PDE8A: variants seen among roughly 807,000 people sequenced by gnomAD.
PDE8A encodes the protein high affinity cAMP-specific and IBMX-insensitive 3',5'-cyclic phosphodiesterase 8A.
In PDE8A, 59 loss-of-function variants were observed where a neutral mutation model predicts 105.0. That is an observed-to-expected ratio of 0.56 (90% CI 0.46 to 0.70). The LOEUF (loss-of-function observed/expected upper bound fraction) is 0.70. Ranked by LOEUF, PDE8A falls within the 30% of genes least tolerant of loss-of-function variation. The probability of loss-of-function intolerance (pLI) is 0.00; values close to 1 mark genes in which losing one functional copy is unlikely to be tolerated. For missense variants in PDE8A, 1,014 were observed against 1,045.9 expected, an observed-to-expected ratio of 0.97 and a Z score of 0.42; for synonymous variants, 355 against 371.9, an observed-to-expected ratio of 0.95 and a Z score of 0.52.
Position 85,126,346 on chromosome 15 carries a change from C to T in PDE8A, c.2225C>T (p.Ala742Val). 3 of 1,591,216 alleles carry T rather than the reference C, an allele frequency of 1.9e-6. No homozygotes were observed. Among genetic ancestry groups the T allele is most frequent in the Admixed American group, 1.7e-5 (1 of 58,478 alleles). Reference sequence around the variant, plus strand: ...CTGCAGTACTGCATCGAGTGGGCTGCACGCATTTCGGAAGAATATTTTTCT... The same window carrying T: ...CTGCAGTACTGCATCGAGTGGGCTGTACGCATTTCGGAAGAATATTTTTCT... ...RPLQYCIEWA[A>V]RISEEYFSQT... is the part of the protein sequence containing the mutation. The change falls in exon 20 of 22, where the codon GCA (alanine) becomes GTA (valine). Residue 742 changes from alanine to valine, a missense_variant. Coordinates refer to ENST00000394553, the MANE Select transcript of PDE8A (RefSeq NM_002605.3).
chr15:84,988,819 G>A (rs1202106067), intron 1 of PDE8A, among the ~76,000 whole-genome samples: 1 of 152,186 alleles, frequency 6.6e-6, no homozygotes, highest in South Asian at 2.1e-4. Flanking sequence ...ATTATATGCT[G>A]CTTGAGGGCA....
rs531733331 is a variant in PDE8A, at chr15:85,011,966, A to G, written c.186+29618A>G. Among the ~76,000 whole-genome samples, 1,028 of 152,358 alleles carry G rather than the reference A, an allele frequency of 6.7e-3. 14 individuals are homozygous for G. Among genetic ancestry groups the G allele is most frequent in the African/African-American group, 0.023 (966 of 41,578 alleles). On this transcript the variant is annotated intron_variant, in intron 1 of 21. Transcript: ENST00000394553. The stretch of plus-strand genomic sequence containing the variant: ...GAAAAAATGCTCACCATCACTGGCC[A>G]TCAGAGAAATGCAAATCAAAACCAC...
chr15:85,133,316 A>G (rs1340712766), intron 20 of PDE8A, among the ~76,000 whole-genome samples: 1 of 152,078 alleles, frequency 6.6e-6, no homozygotes, highest in Non-Finnish European at 1.5e-5. Context: ...AGCAGTAGTC[A>G]TTGCTTTTCT....
At chr15:85,071,070 G>A (rs539390514) in intron 3 of PDE8A, among the ~76,000 whole-genome samples, 1 of 152,314 alleles carries the variant, frequency 6.6e-6, no homozygotes, top group East Asian at 1.9e-4. Flanking sequence ...AAGATAAGAT[G>A]ATAGGTCAGA....
At chr15:85,024,665 T>C (rs1353054385) in intron 1 of PDE8A, among the ~76,000 whole-genome samples, 2 of 152,240 alleles carry the variant, frequency 1.3e-5, no homozygotes, top group African/African-American at 4.8e-5. Flanking sequence ...TTCTTTGTTC[T>C]TAGTCTTCCT....
At chr15:85,038,292 A>G (rs1481062248) in intron 1 of PDE8A, among the ~76,000 whole-genome samples, 1 of 150,884 alleles carries the variant, frequency 6.6e-6, no homozygotes, top group African/African-American at 2.4e-5. Flanking sequence ...TATTGTGGGT[A>G]TGAGCTCTTT....
intron 1 of PDE8A, among the ~76,000 whole-genome samples, chr15:85,022,714 A>AC: frequency 6.8e-6 from 1 of 146,082 alleles, no homozygotes; most frequent in Non-Finnish European, 1.5e-5. Flanking sequence ...ACACCTGGCT[A>AC]TTTTTTTTTT....
intron 6 of PDE8A, among the ~76,000 whole-genome samples, chr15:85,085,937 G>A (rs2081545420): frequency 1.4e-5 from 2 of 147,270 alleles, no homozygotes; most frequent in African/African-American, 2.5e-5. Flanking sequence ...ACTGGAACCC[G>A]GGAGGCGAAG....
At chr15:85,063,997 A>C (rs1397349943) in intron 1 of PDE8A, 1 of 167,522 alleles carries the variant, frequency 6.0e-6, no homozygotes, top group Non-Finnish European at 1.3e-5. Flanking sequence ...CACAGAGGGA[A>C]TCAGCGTTTA....
rs1004229956 is a variant in PDE8A at position 85,031,272 on chromosome 15, A to G, written c.187-33098A>G. 2.6e-5 allele frequency among the ~76,000 whole-genome samples: 4 copies of G among 152,344 alleles called. No individual in the cohort carries two copies. The East Asian group carries it at 7.7e-4, about 29-fold the overall frequency. The stretch of plus-strand genomic sequence containing the variant: ...GGCCACATAATGATGAGAGGCAGAG[A>G]TAAGACTAGACTTCTATGTCTTTGT... On this transcript the variant is annotated intron_variant, in intron 1 of 21. Transcript: ENST00000394553.
intron 2 of PDE8A, among the ~76,000 whole-genome samples, chr15:85,066,580 CAAAACACACACA>C: frequency 9.3e-6 from 1 of 107,128 alleles, no homozygotes; most frequent in Non-Finnish European, 1.9e-5. Context: ...ACCATCCCCC[CAAAACACACACA>C]CACACACACA....
Position 85,112,668 on chromosome 15 carries a change from T to C in PDE8A, c.1115-709T>C, listed in dbSNP as rs541196558. Among the ~76,000 whole-genome samples the C allele has an allele frequency of 2.2e-4, 33 of 152,326 alleles. No individual in the cohort carries two copies. The South Asian group carries it at 6.4e-3, about 30-fold the overall frequency. On this transcript the variant is annotated intron_variant, in intron 12 of 21. Transcript: ENST00000394553. ...ACACATCAGTCTCTGGGACAGCCCC[T>C]GGTCCTGTAACGTCTTTGGGAAGCA...
intron 3 of PDE8A, among the ~76,000 whole-genome samples, chr15:85,071,141 T>C (rs771635227): frequency 6.6e-6 from 1 of 152,256 alleles, no homozygotes; most frequent in Non-Finnish European, 1.5e-5. Context: ...TGGAGACTAA[T>C]AAAGAAGCCT....
chr15:85,117,163 T>C (rs551883892), intron 16 of PDE8A, among the ~76,000 whole-genome samples: 4 of 152,190 alleles, frequency 2.6e-5, no homozygotes, highest in Non-Finnish European at 5.9e-5. Context: ...GTTGAGAAAA[T>C]TCCATTGCAT....
chr15:84,982,847 G>A (rs900954033), intron 1 of PDE8A, among the ~76,000 whole-genome samples: 1 of 152,176 alleles, frequency 6.6e-6, no homozygotes, highest in Non-Finnish European at 1.5e-5. Context: ...TTTTCTTCGG[G>A]ACTGCTAGAA....
chr15:85,120,845 A>G lies in PDE8A; in HGVS notation c.1783A>G (p.Ile595Val). Residue 595 changes from isoleucine to valine, a missense_variant, in exon 18 of 22, where the codon ATT (isoleucine) becomes GTT (valine). Coordinates refer to ENST00000394553, the MANE Select transcript of PDE8A (RefSeq NM_002605.3). ...GGTCGCTGCACTCATCGCAGCCACCATTCATGATGTGGATCACCCTGGGAG... is the reference window on the plus strand; with the variant it reads ...GGTCGCTGCACTCATCGCAGCCACCGTTCATGATGTGGATCACCCTGGGAG... ...DEVAALIAAT[I>V]HDVDHPGRTN... 1 of 1,614,114 alleles carries G rather than the reference A, an allele frequency of 6.2e-7. No homozygotes were observed. The highest frequency in any genetic ancestry group is 8.5e-7 in the Non-Finnish European group (1 of 1,179,964).
intron 1 of PDE8A, among the ~76,000 whole-genome samples, chr15:84,997,365 T>C (rs1348069223): frequency 2.0e-5 from 3 of 151,906 alleles, no homozygotes. Context: ...GGCTAATTTT[T>C]TGTATTTTTT....
At chr15:85,020,801 A>G (rs1428077437) in intron 1 of PDE8A, among the ~76,000 whole-genome samples, 1 of 152,154 alleles carries the variant, frequency 6.6e-6, no homozygotes, top group African/African-American at 2.4e-5. Context: ...ATTTAAAGTA[A>G]GTTGCATACC....
chr15:85,114,130 G>T, intron 14 of PDE8A, 93 bp downstream of exon 14: 1 of 1,109,314 alleles, frequency 9.0e-7, no homozygotes, highest in Non-Finnish European at 1.3e-6. Context: ...TGAAGAGGCA[G>T]GCAGGGCTCT....
Sources: gnomAD v4.1 joint callset for allele counts (sites outside exome capture counted in the v4.1 genomes callset) on GRCh38, gnomAD v4.1.1 for gene constraint, MANE v1.5 for transcripts, NCBI Gene and HGNC (gene_info 2026-07-23, HGNC 2026-07-21) for gene names.